LMO4: variants seen among roughly 807,000 people sequenced by gnomAD.
The protein encoded by LMO4 is LIM domain transcription factor LMO4.
LMO4 carries 3 observed loss-of-function variants against 18.5 expected under a neutral mutation model. That is an observed-to-expected ratio of 0.16 (90% CI 0.07 to 0.42). The LOEUF is 0.42. Ranked by LOEUF, LMO4 falls within the 10% of genes least tolerant of loss-of-function variation. LMO4 has a pLI of 0.99. For missense variants in LMO4, 121 were observed against 219.9 expected (o/e 0.55, Z 2.84); for synonymous variants, 100 against 88.1 (o/e 1.14, Z -0.76).
At chr1:87,339,486 T>G in intron 2 of LMO4, 50 bp from the exon 3 acceptor site, 1 of 1,361,664 alleles carries the variant, frequency 7.3e-7, no homozygotes, top group Non-Finnish European at 1.0e-6. Context: ...TCTTTCTTTT[T>G]CTTTGGTTTA....
chr1:87,330,569 C>T (rs531404470), intron 1 of LMO4, among the ~76,000 whole-genome samples: 168 of 152,316 alleles, frequency 1.1e-3, no homozygotes, highest in African/African-American at 3.9e-3. Context: ...CGTTCCGGGA[C>T]TCTTTCGGAG....
intron 4 of LMO4, among the ~76,000 whole-genome samples, chr1:87,342,590 T>TA: frequency 6.6e-6 from 1 of 152,290 alleles, no homozygotes; most frequent in East Asian, 1.9e-4. Context: ...AAATACAACT[T>TA]ATGGAAATGT....
chr1:87,338,127 T>G (rs760021119), intron 2 of LMO4, among the ~76,000 whole-genome samples: 12 of 152,194 alleles, frequency 7.9e-5, no homozygotes, highest in Admixed American at 1.3e-4. Context: ...AATAACAACT[T>G]ACAGGCTATT....
intron 4 of LMO4, 53 bp from the exon 5 acceptor site, chr1:87,344,735 A>G: frequency 1.0e-5 from 16 of 1,594,620 alleles, no homozygotes; most frequent in East Asian, 2.2e-5. Flanking sequence ...TTTGAGTTTA[A>G]TATCTCTCAA....
intron 1 of LMO4, among the ~76,000 whole-genome samples, chr1:87,329,759 A>G (rs1650077120): frequency 6.6e-6 from 1 of 152,214 alleles, no homozygotes; most frequent in Non-Finnish European, 1.5e-5. Context: ...ATCCAGGAGA[A>G]ATACGGTGAA....
At chr1:87,338,085 A>C (rs144680407) in intron 2 of LMO4, among the ~76,000 whole-genome samples, 51 of 152,328 alleles carry the variant, frequency 3.3e-4, no homozygotes, top group Admixed American at 6.5e-4. Flanking sequence ...GGGCAGTTTT[A>C]CTACTCTCCC....
intron 3 of LMO4, 89 bp downstream of exon 3, chr1:87,339,721 C>T: frequency 1.2e-6 from 1 of 840,374 alleles, no homozygotes; most frequent in Non-Finnish European, 1.9e-6. Flanking sequence ...TTGGTATGAA[C>T]TGTTTTCTCA....
chr1:87,330,857 C>T (rs1650118300), intron 1 of LMO4, among the ~76,000 whole-genome samples: 2 of 152,170 alleles, frequency 1.3e-5, no homozygotes, highest in South Asian at 2.1e-4. Flanking sequence ...CTTTATTGGA[C>T]TCGGGATTGA....
intron 4 of LMO4, among the ~76,000 whole-genome samples, chr1:87,340,908 A>T (rs1287147820): frequency 1.3e-5 from 2 of 152,254 alleles, no homozygotes; most frequent in African/African-American, 4.8e-5. Flanking sequence ...TTATACAAGT[A>T]TACAAATCAT....
chr1:87,331,099 C>T (rs1429685994), intron 1 of LMO4: 1 of 124,526 alleles, frequency 8.0e-6, no homozygotes, highest in Non-Finnish European at 1.6e-5. Context: ...AGGAACAAAG[C>T]TTTAGCATTT....
rs1349477336 is a variant in LMO4, at chr1:87,329,154, G to C, written c.-94G>C. ...TCCCTCCCTCCCTCCAGCTCCGCCAGCCCAGGCGCCCCTTCCCTGGAAGCC... is the reference window on the plus strand; with the variant it reads ...TCCCTCCCTCCCTCCAGCTCCGCCACCCCAGGCGCCCCTTCCCTGGAAGCC... On this transcript the variant is annotated 5_prime_UTR_variant, in exon 1 of 5. Transcript: ENST00000370544. 4 of 151,610 alleles carry C rather than the reference G, an allele frequency of 2.6e-5. No homozygotes were observed. The highest frequency in any genetic ancestry group is 5.9e-5 in the Non-Finnish European group (4 of 67,970). The allele number at this position is 151,610 out of a possible 1,614,324, so 9.4% of individuals were successfully genotyped here.
chr1:87,330,559 C>T (rs1051113971), intron 1 of LMO4, among the ~76,000 whole-genome samples: 15 of 152,174 alleles, frequency 9.9e-5, no homozygotes, highest in Non-Finnish European at 1.3e-4. Flanking sequence ...ACTGGACACA[C>T]GTTCCGGGAC....
At chr1:87,330,631 C>A (rs1004346353) in intron 1 of LMO4, among the ~76,000 whole-genome samples, 1 of 152,130 alleles carries the variant, frequency 6.6e-6, no homozygotes, top group Non-Finnish European at 1.5e-5. Context: ...TTGTTTCGTT[C>A]CTTCCTCGTT....
intron 1 of LMO4, among the ~76,000 whole-genome samples, chr1:87,330,004 CTT>C (rs895271767): frequency 0.051 from 6,532 of 127,132 alleles, 496 homozygotes; most frequent in African/African-American, 0.17. Context: ...TAAAAGCTTT[CTT>C]TTTTTTTTTT....
chr1:87,345,934 T>C lies in LMO4; in HGVS notation c.*1138T>C, dbSNP rs1650612128. On this transcript the variant is annotated 3_prime_UTR_variant, in exon 5 of 5. Transcript: ENST00000370544. ...TCAATAGCAAACAAAGCCTTGGGTA[T>C]TGATGAAAAGTATGTATAAAAAAAA... The C allele has an allele frequency of 1.3e-5, 2 of 152,194 alleles. No homozygotes were observed. The highest frequency in any genetic ancestry group is 4.8e-5 in the African/African-American group (2 of 41,454). The allele number at this position is 152,194 out of a possible 1,614,324, so 9.4% of individuals were successfully genotyped here.
In LMO4 at chr1:87,345,692, A is replaced by C. The variant is rs1266337908; in HGVS notation, c.*896A>C. 1 of 152,114 alleles carries C rather than the reference A, an allele frequency of 6.6e-6. No homozygotes were observed. Among genetic ancestry groups the C allele is most frequent in the East Asian group, 1.9e-4 (1 of 5,186 alleles). 9.4% of individuals were successfully genotyped at this position (152,114 alleles called of 1,614,324 possible). On this transcript the variant is annotated 3_prime_UTR_variant, in exon 5 of 5. Transcript: ENST00000370544. ...ACTTTAAATTTGAAGGAGTTGAGGGAGGTGGAGTGTATATTTATTTAGCTC... is the reference window on the plus strand; with the variant it reads ...ACTTTAAATTTGAAGGAGTTGAGGGCGGTGGAGTGTATATTTATTTAGCTC...
At chr1:87,335,293 G>A (rs951249086) in intron 2 of LMO4, among the ~76,000 whole-genome samples, 7 of 152,166 alleles carry the variant, frequency 4.6e-5, no homozygotes, top group African/African-American at 1.7e-4. Flanking sequence ...AGGAAGTTCG[G>A]AGACCGGCGG....
At chr1:87,336,053 C>T (rs950475211) in intron 2 of LMO4, among the ~76,000 whole-genome samples, 4 of 113,622 alleles carry the variant, frequency 3.5e-5, no homozygotes, top group African/African-American at 1.8e-4. Flanking sequence ...TATGCACAGC[C>T]CCCCTCTTAA....
At position 87,348,912 on chromosome 1, in the gene LMO4, G is replaced by T. The variant is rs865877049; in HGVS notation, c.*4116G>T. 1 of 414,260 alleles carries T rather than the reference G, an allele frequency of 2.4e-6. No individual in the cohort carries two copies. The highest frequency in any genetic ancestry group is 2.7e-5 in the Admixed American group (1 of 36,396). 25.7% of individuals were successfully genotyped at this position (414,260 alleles called of 1,614,324 possible). ...CTAAATCACAACTAATAAAGCAGAG[G>T]ATGAAAATCAATTGATTCTGTTATA... is the stretch of plus-strand genomic sequence containing the variant. On this transcript the variant is annotated 3_prime_UTR_variant, in exon 5 of 5. Coordinates refer to ENST00000370544, the MANE Select transcript of LMO4 (RefSeq NM_006769.4).
Sources: gnomAD v4.1 joint callset for allele counts (sites outside exome capture counted in the v4.1 genomes callset) on GRCh38, gnomAD v4.1.1 for gene constraint, MANE v1.5 for transcripts, NCBI Gene and HGNC (gene_info 2026-07-23, HGNC 2026-07-21) for gene names.